The following GRB10 variants were observed in gnomAD, a reference collection of about 807,000 sequenced individuals.
GRB10 encodes the protein growth factor receptor bound protein 10.
A neutral mutation model predicts 80.9 loss-of-function variants in GRB10; 20 were observed. That is an observed-to-expected ratio of 0.25 (90% CI 0.17 to 0.36). The LOEUF is 0.36. Ranked by LOEUF, GRB10 falls within the 10% of genes least tolerant of loss-of-function variation. The probability of loss-of-function intolerance (pLI) is 1.00; values close to 1 mark genes in which losing one functional copy is unlikely to be tolerated. For synonymous variants in GRB10, 291 were observed against 291.5 expected (o/e 1.00, Z 0.02); for missense variants, 548 against 747.7 (o/e 0.73, Z 3.12).
intron 5 of GRB10, among the ~76,000 whole-genome samples, chr7:50,702,783 G>A (rs1479277577): frequency 6.6e-6 from 1 of 152,212 alleles, no homozygotes; most frequent in African/African-American, 2.4e-5. Context: ...GAATATTTGA[G>A]TGTACAATTT....
At chr7:50,740,784 C>G (rs1386066451) in intron 3 of GRB10, among the ~76,000 whole-genome samples, 1 of 150,904 alleles carries the variant, frequency 6.6e-6, no homozygotes, top group Non-Finnish European at 1.5e-5. Context: ...AAATGTCAGT[C>G]ATCCAATTCT....
chr7:50,674,890 T>C (rs747681225), intron 5 of GRB10, among the ~76,000 whole-genome samples: 4 of 152,226 alleles, frequency 2.6e-5, no homozygotes, highest in African/African-American at 4.8e-5. Flanking sequence ...CTGGGCTGCA[T>C]TTCTACCTGT....
chr7:50,594,813 T>C (rs976680605), intron 18 of GRB10, among the ~76,000 whole-genome samples: 9 of 152,156 alleles, frequency 5.9e-5, no homozygotes, highest in Non-Finnish European at 1.2e-4. Context: ...GTAGTGTTGA[T>C]TAATGTATTC....
At chr7:50,743,556 A>G (rs919960832) in intron 3 of GRB10, among the ~76,000 whole-genome samples, 1 of 152,178 alleles carries the variant, frequency 6.6e-6, no homozygotes, top group Non-Finnish European at 1.5e-5. Context: ...ATCCCCACTC[A>G]ACCGATGAGA....
chr7:50,592,719 A>T lies in GRB10; in HGVS notation c.*233T>A, dbSNP rs1585347148. On this transcript the variant is annotated 3_prime_UTR_variant, in exon 19 of 19. Coordinates refer to ENST00000401949, the MANE Select transcript of GRB10 (RefSeq NM_001350814.2). ...TTTTCAACTTTCCGCTGGATCTTCC[A>T]TGCCCTCCCCAATTTGGCCGATGCA... 5 of 571,872 alleles carry T rather than the reference A, an allele frequency of 8.7e-6. No individual in the cohort carries two copies. The East Asian group carries it at 1.2e-4, about 14-fold the overall frequency. 35.4% of individuals were successfully genotyped at this position (571,872 alleles called of 1,614,324 possible).
intron 2 of GRB10, among the ~76,000 whole-genome samples, chr7:50,775,549 G>A (rs2077537501): frequency 6.6e-6 from 1 of 152,218 alleles, no homozygotes; most frequent in Non-Finnish European, 1.5e-5. Flanking sequence ...TGTCCTTGTG[G>A]GAGCTCGCTA....
At chr7:50,644,581 G>A (rs529452297) in intron 7 of GRB10, among the ~76,000 whole-genome samples, 3 of 152,270 alleles carry the variant, frequency 2.0e-5, no homozygotes, top group South Asian at 2.1e-4. Context: ...TGGGCATTCC[G>A]TTTCAGAAAA....
intron 2 of GRB10, among the ~76,000 whole-genome samples, chr7:50,762,379 T>C (rs2075861216): frequency 6.6e-6 from 1 of 151,358 alleles, no homozygotes; most frequent in African/African-American, 2.4e-5. Flanking sequence ...GGGTTAGAAA[T>C]GCACCACCTC....
intron 3 of GRB10, among the ~76,000 whole-genome samples, chr7:50,743,754 C>T (rs1464539326): frequency 2.0e-5 from 3 of 152,220 alleles, no homozygotes; most frequent in Non-Finnish European, 4.4e-5. Context: ...TCTAGGCACC[C>T]TCACCACTAG....
intron 6 of GRB10, 83 bp from the exon 7 acceptor site, chr7:50,669,946 A>C: frequency 6.7e-7 from 1 of 1,496,430 alleles, no homozygotes; most frequent in Non-Finnish European, 9.1e-7. Flanking sequence ...ACACCCAGAA[A>C]GCAGGACACA....
intron 7 of GRB10, among the ~76,000 whole-genome samples, chr7:50,637,327 A>C (rs977527953): frequency 1.3e-5 from 2 of 152,220 alleles, no homozygotes; most frequent in African/African-American, 4.8e-5. Context: ...AAACGACTTC[A>C]GTAAAGTTTC....
chr7:50,740,893 G>T (rs1334039372), intron 3 of GRB10, among the ~76,000 whole-genome samples: 1 of 150,394 alleles, frequency 6.6e-6, no homozygotes, highest in Non-Finnish European at 1.5e-5. Context: ...GAAAAAGACA[G>T]AATGGACAGA....
At chr7:50,670,011 G>T in intron 6 of GRB10, 148 bp from the exon 7 acceptor site, 3 of 931,452 alleles carry the variant, frequency 3.2e-6, no homozygotes, top group Middle Eastern at 2.3e-4. Flanking sequence ...CTTCACAAAA[G>T]CCAAAAAGTA....
At chr7:50,710,942 A>T in intron 4 of GRB10, 2 of 1,602,022 alleles carry the variant, frequency 1.2e-6, no homozygotes, top group Non-Finnish European at 1.7e-6. Flanking sequence ...TACAGTGGGT[A>T]TCACGTGGCT....
chr7:50,730,649 T>G (rs753722608), intron 4 of GRB10, among the ~76,000 whole-genome samples: 1 of 152,190 alleles, frequency 6.6e-6, no homozygotes, highest in African/African-American at 2.4e-5. Flanking sequence ...CCTTCCTTCC[T>G]GACTTCCTGG....
chr7:50,778,739 G>A (rs1447641054), intron 2 of GRB10, among the ~76,000 whole-genome samples: 1 of 152,212 alleles, frequency 6.6e-6, no homozygotes, highest in Admixed American at 6.5e-5. Flanking sequence ...ATGGCTTGGA[G>A]GCCTTCCAGG....
chr7:50,641,003 T>C lies in GRB10; in HGVS notation c.505-14025A>G, dbSNP rs375579871. Among the ~76,000 whole-genome samples the C allele has an allele frequency of 2.0e-5, 3 of 152,032 alleles. No homozygotes were observed. The East Asian group carries it at 5.8e-4, about 29-fold the overall frequency. On this transcript the variant is annotated intron_variant, in intron 7 of 18. Coordinates refer to ENST00000401949, the MANE Select transcript of GRB10 (RefSeq NM_001350814.2). ...TTCACGTGACACAGGCACAGCACCA[T>C]CTCCTCTCCAGGGCTAGTCACGCAG...
intron 3 of GRB10, among the ~76,000 whole-genome samples, chr7:50,748,824 A>G (rs2073519449): frequency 6.6e-6 from 1 of 152,248 alleles, no homozygotes; most frequent in African/African-American, 2.4e-5. Flanking sequence ...AATTTCATGG[A>G]GAGAGTGAGA....
intron 7 of GRB10, among the ~76,000 whole-genome samples, chr7:50,640,168 A>G (rs1044976214): frequency 3.3e-5 from 5 of 152,212 alleles, no homozygotes; most frequent in African/African-American, 1.2e-4. Flanking sequence ...AGATTCCAGA[A>G]GGGACACAGT....
Sources: gnomAD v4.1 joint callset for allele counts (sites outside exome capture counted in the v4.1 genomes callset) on GRCh38, gnomAD v4.1.1 for gene constraint, MANE v1.5 for transcripts, NCBI Gene and HGNC (gene_info 2026-07-23, HGNC 2026-07-21) for gene names.